Variants in AMBRA1 observed in about 807,000 individuals in gnomAD.
AMBRA1 encodes the protein autophagy and beclin 1 regulator 1.
AMBRA1 carries 47 observed loss-of-function variants against 125.4 expected under a neutral mutation model. The ratio of observed to expected loss-of-function variants is 0.37; its 90% CI spans 0.30 to 0.48. AMBRA1 has a LOEUF of 0.48. Ranked by LOEUF, AMBRA1 falls within the 20% of genes least tolerant of loss-of-function variation. The pLI is 0.99. For synonymous variants in AMBRA1, 626 were observed against 655.5 expected, an observed-to-expected ratio of 0.95 and a Z score of 0.69; for missense variants, 1,331 against 1,693.4, an observed-to-expected ratio of 0.79 and a Z score of 3.76.
At chr11:46,458,392 T>C (rs1306616146) in intron 11 of AMBRA1, among the ~76,000 whole-genome samples, 5 of 152,116 alleles carry the variant, frequency 3.3e-5, no homozygotes, top group Non-Finnish European at 7.4e-5. Flanking sequence ...TACACACTAT[T>C]AGCTGTTTTT....
At chr11:46,545,143 TAAA>T (rs1202803135) in intron 5 of AMBRA1, among the ~76,000 whole-genome samples, 1 of 29,966 alleles carries the variant, frequency 3.3e-5, no homozygotes, top group Non-Finnish European at 5.8e-5. Context: ...CCTGTCTCCT[TAAA>T]AAAAAAAAAA....
intron 17 of AMBRA1, among the ~76,000 whole-genome samples, chr11:46,406,955 C>T (rs1049674747): frequency 2.0e-5 from 3 of 151,288 alleles, no homozygotes; most frequent in African/African-American, 2.4e-5. Flanking sequence ...CCGAGGTAGG[C>T]GGATCACGAG....
intron 14 of AMBRA1, among the ~76,000 whole-genome samples, chr11:46,427,658 G>A (rs988655503): frequency 6.6e-6 from 1 of 152,158 alleles, no homozygotes; most frequent in African/African-American, 2.4e-5. Flanking sequence ...TGGTCCCCTG[G>A]GGGCACACAT....
intron 1 of AMBRA1, among the ~76,000 whole-genome samples, chr11:46,560,497 G>C (rs1055964268): frequency 6.6e-6 from 1 of 152,130 alleles, no homozygotes; most frequent in Admixed American, 6.6e-5. Flanking sequence ...AAAACAAAGT[G>C]TGATCAAAAC....
chr11:46,428,018 A>G (rs968550175), intron 14 of AMBRA1, among the ~76,000 whole-genome samples: 2 of 151,424 alleles, frequency 1.3e-5, no homozygotes, highest in African/African-American at 4.9e-5. Flanking sequence ...CAAAAAAAAA[A>G]AAAAAAAAAA....
At chr11:46,493,563 C>T in intron 11 of AMBRA1, 45 bp downstream of exon 11, 1 of 1,489,808 alleles carries the variant, frequency 6.7e-7, no homozygotes. Context: ...TTATCTGGCT[C>T]CTTGGCCCTT....
intron 1 of AMBRA1, among the ~76,000 whole-genome samples, chr11:46,564,280 G>C (rs2043444926): frequency 6.8e-6 from 1 of 147,194 alleles, no homozygotes; most frequent in South Asian, 2.1e-4. Context: ...ATAAAGACAA[G>C]TGATAGAATA....
intron 7 of AMBRA1, among the ~76,000 whole-genome samples, chr11:46,537,980 A>C (rs1294402796): frequency 1.3e-5 from 2 of 152,234 alleles, no homozygotes; most frequent in Admixed American, 6.5e-5. Flanking sequence ...TTTTCTTCCC[A>C]GTCATCCTAA....
chr11:46,539,417 C>T (rs1462953245), intron 7 of AMBRA1, among the ~76,000 whole-genome samples: 1 of 151,872 alleles, frequency 6.6e-6, no homozygotes, highest in African/African-American at 2.4e-5. Context: ...ATTAGCCAGG[C>T]GTGGTGGCGC....
At chr11:46,508,423 T>C (rs571302582) in intron 8 of AMBRA1, 53 bp from the exon 9 acceptor site, 69 of 1,560,738 alleles carry the variant, frequency 4.4e-5, no homozygotes, top group Non-Finnish European at 5.7e-5. Flanking sequence ...TGGGGAATAC[T>C]ATGAAAGGCA....
chr11:46,586,310 G>A (rs973845901), intron 1 of AMBRA1, among the ~76,000 whole-genome samples: 3 of 152,154 alleles, frequency 2.0e-5, no homozygotes, highest in Admixed American at 6.5e-5. Flanking sequence ...TCGGGAGGCT[G>A]AGGCACAAGA....
chr11:46,521,252 T>C (rs1284582579), intron 7 of AMBRA1, among the ~76,000 whole-genome samples: 2 of 152,260 alleles, frequency 1.3e-5, no homozygotes, highest in South Asian at 2.1e-4. Context: ...TGGTCACTTA[T>C]GCTGCTCAGG....
At chr11:46,579,749 G>A (rs754214667) in intron 1 of AMBRA1, among the ~76,000 whole-genome samples, 1 of 152,140 alleles carries the variant, frequency 6.6e-6, no homozygotes, top group African/African-American at 2.4e-5. Flanking sequence ...TTCTTGTTCT[G>A]TCACCCAGGC....
At chr11:46,409,091 G>A (rs1465960610) in intron 16 of AMBRA1, among the ~76,000 whole-genome samples, 1 of 152,190 alleles carries the variant, frequency 6.6e-6, no homozygotes, top group Non-Finnish European at 1.5e-5. Context: ...CTAGAAGAAG[G>A]TCCTTTCTCT....
At position 46,396,630 on chromosome 11, in the gene AMBRA1, A is replaced by T. The variant is rs1590690171; in HGVS notation, c.*820T>A. On this transcript the variant is annotated 3_prime_UTR_variant, in exon 18 of 18. Transcript: ENST00000683756. Reference sequence around the variant, plus strand: ...CCACATGCAACACCTTAAATCACAGACTGAGACCTCACATTCTGACCTGGA... The same window carrying T: ...CCACATGCAACACCTTAAATCACAGTCTGAGACCTCACATTCTGACCTGGA... 1 of 152,688 alleles carries T rather than the reference A, an allele frequency of 6.5e-6. No individual in the cohort carries two copies. Among genetic ancestry groups the T allele is most frequent in the East Asian group, 1.9e-4 (1 of 5,186 alleles). 9.5% of individuals were successfully genotyped at this position (152,688 alleles called of 1,614,324 possible). A position where few individuals can be genotyped will look rare whatever the true frequency, so the allele number is the denominator to read the frequency against.
intron 14 of AMBRA1, among the ~76,000 whole-genome samples, chr11:46,426,596 T>C (rs781153547): frequency 6.6e-6 from 1 of 152,214 alleles, no homozygotes; most frequent in Non-Finnish European, 1.5e-5. Context: ...TTATTTTTAA[T>C]TTTTATCTTG....
intron 1 of AMBRA1, among the ~76,000 whole-genome samples, chr11:46,581,595 GACTTCCTCTCAAA>G (rs1194713880): frequency 6.6e-6 from 1 of 151,644 alleles, no homozygotes; most frequent in Non-Finnish European, 1.5e-5. Context: ...GACAGTGCGA[GACTTCCTCTCAAA>G]AAATAAATAA....
intron 11 of AMBRA1, among the ~76,000 whole-genome samples, chr11:46,448,343 C>T (rs1338574086): frequency 6.6e-6 from 1 of 152,162 alleles, no homozygotes; most frequent in Non-Finnish European, 1.5e-5. Context: ...TTAAACAATA[C>T]ATTTCTGAAC....
intron 14 of AMBRA1, among the ~76,000 whole-genome samples, chr11:46,427,600 T>A (rs1336870334): frequency 6.6e-6 from 1 of 152,140 alleles, no homozygotes; most frequent in East Asian, 1.9e-4. Flanking sequence ...AGATCTTAAG[T>A]GGGGCTGAGA....
Sources: allele counts gnomAD v4.1 joint callset (sites outside exome capture counted in the v4.1 genomes callset), GRCh38; gene constraint gnomAD v4.1.1; transcripts MANE v1.5; gene names NCBI Gene and HGNC (gene_info 2026-07-23, HGNC 2026-07-21).